RFTN2: variants seen among roughly 807,000 people sequenced by gnomAD.
RFTN2 encodes the protein raftlin-2.
A neutral mutation model predicts 52.7 loss-of-function variants in RFTN2; 34 were observed. That is an observed-to-expected ratio of 0.64 (90% CI 0.49 to 0.86). The LOEUF is 0.86. Among genes scored for constraint, RFTN2 ranks in the 40% least tolerant of loss-of-function variants. The pLI is 0.00. For missense variants in RFTN2, 536 were observed against 600.1 expected (o/e 0.89, Z 1.12); for synonymous variants, 203 against 217.7 (o/e 0.93, Z 0.59).
intron 5 of RFTN2, among the ~76,000 whole-genome samples, chr2:197,628,526 T>C (rs1417289695): frequency 1.3e-5 from 2 of 152,144 alleles, no homozygotes; most frequent in Non-Finnish European, 2.9e-5. Flanking sequence ...TTGTGAAAAG[T>C]GTATGTTTTG....
At chr2:197,618,272 G>A (rs1333456798) in intron 5 of RFTN2, among the ~76,000 whole-genome samples, 3 of 152,132 alleles carry the variant, frequency 2.0e-5, no homozygotes, top group Non-Finnish European at 4.4e-5. Context: ...TTTTTTGGTG[G>A]AGACGGGGAT....
intron 1 of RFTN2, among the ~76,000 whole-genome samples, chr2:197,672,756 T>C (rs1226920781): frequency 6.6e-6 from 1 of 152,180 alleles, no homozygotes; most frequent in East Asian, 1.9e-4. Context: ...CCCAAAACTA[T>C]GACTCCAGAG....
At chr2:197,640,720 A>T (rs2088658328) in intron 3 of RFTN2, among the ~76,000 whole-genome samples, 1 of 152,180 alleles carries the variant, frequency 6.6e-6, no homozygotes, top group East Asian at 1.9e-4. Context: ...CGGGAGCTGT[A>T]GACCGGAGCT....
chr2:197,586,562 G>A (rs908651884), intron 8 of RFTN2, among the ~76,000 whole-genome samples: 33 of 152,142 alleles, frequency 2.2e-4, no homozygotes, highest in African/African-American at 7.7e-4. Context: ...CAAATGGGAC[G>A]GAAGAGCTTC....
In RFTN2 at chr2:197,572,123, C is replaced by A. The variant is rs770807318; in HGVS notation, c.1391G>T (p.Arg464Met). ...AGAGAAGCTGTTGTGCTGTGCCAGC[C>A]TTCCCTCCTTTGTCCAGCATTCCCG... ...PSRECWTKEG[R>M]LAQHNSFSGF... The change falls in exon 9 of 9, where the codon AGG becomes ATG. Residue 464 changes from arginine to methionine, a missense_variant. Coordinates refer to ENST00000295049, the MANE Select transcript of RFTN2 (RefSeq NM_144629.3). 6.2e-7 allele frequency: 1 copy of A among 1,614,258 alleles called. No individual in the cohort carries two copies. The highest frequency in any genetic ancestry group is 2.2e-5 in the East Asian group (1 of 44,894).
At chr2:197,642,530 CTATTA>C (rs1287451152) in intron 3 of RFTN2, among the ~76,000 whole-genome samples, 2 of 152,104 alleles carry the variant, frequency 1.3e-5, no homozygotes, top group African/African-American at 2.4e-5. Flanking sequence ...ATAAAATATT[CTATTA>C]TATTAATCCA....
At chr2:197,588,523 T>C (rs2087638170) in intron 8 of RFTN2, among the ~76,000 whole-genome samples, 3 of 152,212 alleles carry the variant, frequency 2.0e-5, no homozygotes, top group African/African-American at 7.2e-5. Flanking sequence ...GTCCTTTTTA[T>C]TTCTGAGTAT....
intron 7 of RFTN2, among the ~76,000 whole-genome samples, chr2:197,611,726 C>T (rs1310892547): frequency 2.6e-5 from 4 of 152,156 alleles, no homozygotes; most frequent in Admixed American, 6.5e-5. Flanking sequence ...TTAGATCATT[C>T]CTGCTTTCTC....
intron 1 of RFTN2, among the ~76,000 whole-genome samples, chr2:197,673,388 C>CTGAT (rs1449794234): frequency 6.6e-6 from 1 of 152,104 alleles, no homozygotes; most frequent in Admixed American, 6.6e-5. Context: ...CGGAGTTGGG[C>CTGAT]TGATGCTGAG....
intron 1 of RFTN2, among the ~76,000 whole-genome samples, chr2:197,665,544 A>G (rs1373668966): frequency 3.4e-5 from 1 of 29,416 alleles, no homozygotes; most frequent in Non-Finnish European, 6.8e-5. Flanking sequence ...ACTGTTTTCG[A>G]CTTACTGTTT....
intron 8 of RFTN2, among the ~76,000 whole-genome samples, chr2:197,576,695 G>A (rs889371892): frequency 6.6e-6 from 1 of 152,120 alleles, no homozygotes; most frequent in African/African-American, 2.4e-5. Context: ...CTTTATTAAA[G>A]GGGATTTTGT....
intron 3 of RFTN2, among the ~76,000 whole-genome samples, chr2:197,637,997 T>A (rs200103378): frequency 6.8e-6 from 1 of 148,028 alleles, no homozygotes; most frequent in African/African-American, 2.5e-5. Context: ...TCGTTATGTA[T>A]CCAGTAGTCA....
intron 8 of RFTN2, among the ~76,000 whole-genome samples, chr2:197,572,855 C>T (rs2087341856): frequency 6.6e-6 from 1 of 152,040 alleles, no homozygotes; most frequent in Admixed American, 6.6e-5. Flanking sequence ...GGTCTTATCC[C>T]ATGAATAAGT....
chr2:197,585,852 C>T (rs890263817), intron 8 of RFTN2, among the ~76,000 whole-genome samples: 1 of 152,064 alleles, frequency 6.6e-6, no homozygotes, highest in African/African-American at 2.4e-5. Context: ...CGCCCTCCTC[C>T]GCACTTACTT....
chr2:197,667,524 C>G (rs1035356365), intron 1 of RFTN2, among the ~76,000 whole-genome samples: 8 of 152,138 alleles, frequency 5.3e-5, no homozygotes, highest in Non-Finnish European at 7.3e-5. Flanking sequence ...GTCCTGCATT[C>G]ATATGTTGAT....
chr2:197,595,001 A>G (rs2087774253), intron 8 of RFTN2, among the ~76,000 whole-genome samples: 1 of 152,262 alleles, frequency 6.6e-6, no homozygotes, highest in South Asian at 2.1e-4. Context: ...CAGAAAAAGA[A>G]TCACTTTAAA....
chr2:197,646,234 T>C (rs1427940134), intron 2 of RFTN2, among the ~76,000 whole-genome samples: 1 of 152,190 alleles, frequency 6.6e-6, no homozygotes, highest in Non-Finnish European at 1.5e-5. Flanking sequence ...TCTATTTTGC[T>C]TTCCCTTTGT....
intron 1 of RFTN2, among the ~76,000 whole-genome samples, chr2:197,647,509 C>T (rs570288002): frequency 1.2e-4 from 18 of 152,122 alleles, no homozygotes; most frequent in African/African-American, 3.1e-4. Context: ...CGCTCCCAGC[C>T]GAGATGCATA....
chr2:197,619,249 C>G (rs1355575615), intron 5 of RFTN2, among the ~76,000 whole-genome samples: 1 of 151,940 alleles, frequency 6.6e-6, no homozygotes, highest in African/African-American at 2.4e-5. Context: ...GTGTACCCAA[C>G]AGCTCATTGA....
Sources: allele counts gnomAD v4.1 joint callset (sites outside exome capture counted in the v4.1 genomes callset), GRCh38; gene constraint gnomAD v4.1.1; transcripts MANE v1.5; gene names NCBI Gene and HGNC (gene_info 2026-07-23, HGNC 2026-07-21).